ANKRD11: variants seen among roughly 807,000 people sequenced by gnomAD.
ANKRD11 encodes the protein ankyrin repeat domain-containing protein 11.
In ANKRD11, 17 loss-of-function variants were observed where a neutral mutation model predicts 195.7. That is an observed-to-expected ratio of 0.09 (90% CI 0.06 to 0.13). The LOEUF is 0.13. Among genes scored for constraint, ANKRD11 ranks in the 10% least tolerant of loss-of-function variants. The pLI, the probability that ANKRD11 is intolerant of heterozygous loss-of-function variation, is 1.00. For synonymous variants in ANKRD11, 1,953 were observed against 1,528.1 expected (o/e 1.28, Z -6.49); for missense variants, 3,735 against 3,566.1 (o/e 1.05, Z -1.21).
In ANKRD11 at chr16:89,268,318, C is replaced by T; in HGVS notation, c.*160G>A. 1 of 430,498 alleles carries T rather than the reference C, an allele frequency of 2.3e-6. No homozygotes were observed. The highest frequency in any genetic ancestry group is 2.2e-5 in the South Asian group (1 of 45,948). 26.7% of individuals were successfully genotyped at this position (430,498 alleles called of 1,614,324 possible). A position where few individuals can be genotyped will look rare whatever the true frequency, so the allele number is the denominator to read the frequency against. On this transcript the variant is annotated 3_prime_UTR_variant, in exon 13 of 13. Transcript: ENST00000301030. The stretch of plus-strand genomic sequence containing the variant: ...TGTTTCACCTCCCCGACGTCTGGAC[C>T]AGTCTGGAAGGGATGGAGGCGCTGT...
chr16:89,318,442 G>A lies in ANKRD11; in HGVS notation c.-59-1364C>T, dbSNP rs139815232. Among the ~76,000 whole-genome samples, 574 of 152,298 alleles carry A rather than the reference G, an allele frequency of 3.8e-3. 2 individuals are homozygous for A. The highest frequency in any genetic ancestry group is 0.013 in the African/African-American group (526 of 41,542). ...CTGTGTGCACGTCTCTGCCCTTTCCGCCACAGCAGCACCTCTGTGCGCGAC... is the reference window on the plus strand; with the variant it reads ...CTGTGTGCACGTCTCTGCCCTTTCCACCACAGCAGCACCTCTGTGCGCGAC... On this transcript the variant is annotated intron_variant, in intron 2 of 12. Transcript: ENST00000301030.
Position 89,284,422 on chromosome 16 carries a change from T to C in ANKRD11, c.2120A>G (p.Glu707Gly). 1 of 1,613,478 alleles carries C rather than the reference T, an allele frequency of 6.2e-7. No homozygotes were observed. ...TTCATCTTTAAAGAGCCATTCTTTTTCTTCTAATTTCATTTTGCTAAGTTT... is the reference window on the plus strand; with the variant it reads ...TTCATCTTTAAAGAGCCATTCTTTTCCTTCTAATTTCATTTTGCTAAGTTT... ...EEKLSKMKLE[E>G]KEWLFKDEKS... Residue 707 changes from glutamate (E) to glycine (G), a missense_variant, in exon 9 of 13, where the codon GAA becomes GGA. Physicochemically the swap from Glu to Gly is moderately conservative, Grantham distance 98. Transcript: ENST00000301030.
intron 2 of ANKRD11, among the ~76,000 whole-genome samples, chr16:89,329,995 A>AAAAATAAAATAAAATAAAAT (rs71134203): frequency 1.3e-3 from 196 of 146,322 alleles, no homozygotes; most frequent in African/African-American, 4.6e-3. Flanking sequence ...ACCTTGTCTC[A>AAAAATAAAATAAAATAAAAT]AAAATAAAAT....
rs144386908 is a variant in ANKRD11 at position 89,339,209 on chromosome 16, A to G, written c.-59-22131T>C. Among the ~76,000 whole-genome samples the G allele has an allele frequency of 5.1e-3, 775 of 152,364 alleles. 5 individuals are homozygous for G. The highest frequency in any genetic ancestry group is 0.018 in the African/African-American group (750 of 41,582). On this transcript the variant is annotated intron_variant, in intron 2 of 12. Coordinates refer to ENST00000301030, the MANE Select transcript of ANKRD11 (RefSeq NM_013275.6). ...ATGCCTGCCAAAAGGTCCATTTTTC[A>G]GTCCATTATCACAATGAAGGTGAAG... is the stretch of plus-strand genomic sequence containing the variant.
At chr16:89,315,647 C>T (rs1381906812) in intron 3 of ANKRD11, among the ~76,000 whole-genome samples, 1 of 152,234 alleles carries the variant, frequency 6.6e-6, no homozygotes, top group Non-Finnish European at 1.5e-5. Flanking sequence ...GCACACGGCA[C>T]GAGGAGCTTG....
intron 4 of ANKRD11, among the ~76,000 whole-genome samples, chr16:89,303,492 G>C (rs989836981): frequency 6.6e-6 from 1 of 152,208 alleles, no homozygotes; most frequent in Non-Finnish European, 1.5e-5. Flanking sequence ...GTGTCTCCCA[G>C]TGTTCTTCCT....
At chr16:89,286,735 G>GT in intron 7 of ANKRD11, 1 of 1,286,134 alleles carries the variant, frequency 7.8e-7, no homozygotes, top group Admixed American at 2.3e-5. Flanking sequence ...TTTTACAAGG[G>GT]TAAGGGTGGT....
chr16:89,295,179 C>T (rs1393464710), intron 4 of ANKRD11, among the ~76,000 whole-genome samples: 1 of 152,208 alleles, frequency 6.6e-6, no homozygotes, highest in Non-Finnish European at 1.5e-5. Context: ...ACTCAGAAGC[C>T]CCCTTCCACC....
chr16:89,474,634 C>G (rs995110102), intron 1 of ANKRD11, among the ~76,000 whole-genome samples: 5 of 152,170 alleles, frequency 3.3e-5, no homozygotes, highest in African/African-American at 1.2e-4. Context: ...CTACCACCAA[C>G]ACACATGATG....
rs759118611 is a variant in ANKRD11, at chr16:89,281,358, G to A, written c.5184C>T (p.Ser1728=). The change falls in exon 9 of 13, where the codon AGC becomes AGT. Residue 1728 remains serine (S), a synonymous_variant. Coordinates refer to ENST00000301030, the MANE Select transcript of ANKRD11 (RefSeq NM_013275.6). This position sits in a 1 kb window ranked among gnomAD's most constrained non-coding sequence, Gnocchi z 5.5. ...ACACGAGGTCCGCGTAGTCATCGGC[G>A]CTGCAGGACGGGGTCCTGGGCGTGT... The part of the protein sequence containing the change: ...VMHTPRTPSC[S]ADDYADLVFD... The A allele has an allele frequency of 8.7e-6, 14 of 1,610,604 alleles. No individual in the cohort carries two copies. Among genetic ancestry groups the A allele is most frequent in the Middle Eastern group, 1.6e-4 (1 of 6,068 alleles).
chr16:89,405,090 C>T (rs1188465477), intron 2 of ANKRD11, among the ~76,000 whole-genome samples: 4 of 152,084 alleles, frequency 2.6e-5, no homozygotes, highest in South Asian at 2.1e-4. Flanking sequence ...CACAGGACAA[C>T]TGCCCACACC....
chr16:89,378,893 C>A (rs1412370512), intron 2 of ANKRD11, among the ~76,000 whole-genome samples: 1 of 148,602 alleles, frequency 6.7e-6, no homozygotes, highest in East Asian at 2.0e-4. Flanking sequence ...CTTTCCAAGG[C>A]TGAAAACCTC....
At chr16:89,349,152 A>AAAAAAAAAAAAAAAAAAAAAAAT (rs1425227983) in intron 2 of ANKRD11, among the ~76,000 whole-genome samples, 1 of 143,930 alleles carries the variant, frequency 6.9e-6, no homozygotes, top group African/African-American at 2.5e-5. Context: ...AAAAAAAAAA[A>AAAAAAAAAAAAAAAAAAAAAAAT]AAAAAAAAAG....
intron 11 of ANKRD11, chr16:89,271,269 C>T (rs1247629144): frequency 1.2e-5 from 4 of 347,598 alleles, no homozygotes; most frequent in African/African-American, 4.3e-5. Context: ...GACAGAGTTT[C>T]GCTTGTTGCC....
At chr16:89,320,362 T>G (rs1343680180) in intron 2 of ANKRD11, 1 of 152,180 alleles carries the variant, frequency 6.6e-6, no homozygotes, top group Admixed American at 6.5e-5. Flanking sequence ...CATTTCCAAG[T>G]TATCAGGCAA....
chr16:89,461,252 G>A (rs924339355), intron 1 of ANKRD11, among the ~76,000 whole-genome samples: 5 of 150,824 alleles, frequency 3.3e-5, no homozygotes, highest in African/African-American at 1.2e-4. Flanking sequence ...TTGGTGGTCA[G>A]GGGTTATGGG....
At chr16:89,368,868 CA>C (rs1288516869) in intron 2 of ANKRD11, among the ~76,000 whole-genome samples, 1 of 152,076 alleles carries the variant, frequency 6.6e-6, no homozygotes, top group African/African-American at 2.4e-5. Context: ...CCACTGCACT[CA>C]AATCTAGGGG....
chr16:89,325,676 C>T (rs1011780851), intron 2 of ANKRD11, among the ~76,000 whole-genome samples: 8 of 152,166 alleles, frequency 5.3e-5, no homozygotes, highest in Non-Finnish European at 1.2e-4. Flanking sequence ...GCTGCGGAGG[C>T]GTTTGCTTTG....
intron 3 of ANKRD11, among the ~76,000 whole-genome samples, chr16:89,316,045 G>A (rs570679950): frequency 6.6e-6 from 1 of 152,192 alleles, no homozygotes; most frequent in Admixed American, 6.5e-5. Flanking sequence ...GGTCACAGAT[G>A]AACGGCCTGC....
Sources: allele counts gnomAD v4.1 joint callset (sites outside exome capture counted in the v4.1 genomes callset), GRCh38; gene constraint gnomAD v4.1.1; non-coding constraint Gnocchi (gnomAD v3.1); transcripts MANE v1.5; gene names NCBI Gene and HGNC (gene_info 2026-07-23, HGNC 2026-07-21).